The following PTPN21 variants were observed in gnomAD, a reference collection of about 807,000 sequenced individuals.
The protein encoded by PTPN21 is tyrosine-protein phosphatase non-receptor type 21.
In PTPN21, 77 loss-of-function variants were observed where a neutral mutation model predicts 131.8. The observed-to-expected ratio is 0.58, with a 90% CI of 0.49 to 0.71. The LOEUF (loss-of-function observed/expected upper bound fraction) is 0.71, where lower values mean the gene tolerates loss of function less well. Among genes scored for constraint, PTPN21 ranks in the 30% least tolerant of loss-of-function variants. PTPN21 has a pLI of 0.00. For missense variants in PTPN21, 1,552 were observed against 1,527.1 expected (o/e 1.02, Z -0.27); for synonymous variants, 715 against 621.3 (o/e 1.15, Z -2.24).
rs953279169 is a variant in PTPN21 at position 88,504,421 on chromosome 14, T to C, written c.587+4A>G. On this transcript the variant is annotated splice_donor_region_variant and intron_variant, in intron 6 of 18. Coordinates refer to ENST00000556564, the MANE Select transcript of PTPN21 (RefSeq NM_007039.4). ...TATTTCCATGTCTTATTTCTTAGAGTTACCTGTATTTCTGATGTAGTAAGG... is the reference window on the plus strand; with the variant it reads ...TATTTCCATGTCTTATTTCTTAGAGCTACCTGTATTTCTGATGTAGTAAGG... 3 of 1,580,756 alleles carry C rather than the reference T, an allele frequency of 1.9e-6. No individual in the cohort carries two copies. Among genetic ancestry groups the C allele is most frequent in the African/African-American group, 2.7e-5 (2 of 74,152 alleles).
chr14:88,503,505 C>G (rs927931254), intron 6 of PTPN21, among the ~76,000 whole-genome samples: 1 of 152,206 alleles, frequency 6.6e-6, no homozygotes, highest in African/African-American at 2.4e-5. Context: ...AAAGGTGATA[C>G]AAATTCAGTA....
At position 88,469,305 on chromosome 14, in the gene PTPN21, G is replaced by A. The variant is rs1056900809; in HGVS notation, c.3235+194C>T. Among the ~76,000 whole-genome samples the A allele has an allele frequency of 6.6e-6, 1 of 152,108 alleles. No homozygotes were observed. Among genetic ancestry groups the A allele is most frequent in the Non-Finnish European group, 1.5e-5 (1 of 68,026 alleles). ...TGACGGAGATACTGAGTCAGCTGTG[G>A]CATTCTACTCACTACCAAATCATAA... On this transcript the variant is annotated intron_variant, in intron 17 of 18. Transcript: ENST00000556564. This position sits in a 1 kb window ranked among gnomAD's most constrained non-coding sequence, Gnocchi z 4.3.
chr14:88,472,198 A>G lies in PTPN21; in HGVS notation c.2871+46T>C, dbSNP rs764582945. The G allele has an allele frequency of 1.2e-5, 12 of 1,042,190 alleles. No individual in the cohort carries two copies. The South Asian group carries it at 1.6e-4, about 14-fold the overall frequency. 64.6% of individuals were successfully genotyped at this position (1,042,190 alleles called of 1,614,324 possible). A position where few individuals can be genotyped will look rare whatever the true frequency, so the allele number is the denominator to read the frequency against. On this transcript the variant is annotated intron_variant, in intron 15 of 18. Coordinates refer to ENST00000556564, the MANE Select transcript of PTPN21 (RefSeq NM_007039.4). ...ACAATTCTTACCATTCTTGTAACTTAACTGAAACTGCATGTGCTGTTGATT... is the reference window on the plus strand; with the variant it reads ...ACAATTCTTACCATTCTTGTAACTTGACTGAAACTGCATGTGCTGTTGATT...
rs757593627 is a variant in PTPN21, at chr14:88,517,079, T to A, written c.350+13A>T. The A allele has an allele frequency of 1.2e-6, 2 of 1,612,150 alleles. No individual in the cohort carries two copies. The highest frequency in any genetic ancestry group is 3.3e-5 in the Admixed American group (2 of 59,904). ...GACTATTTCCTAAAAACAAACGGCA[T>A]GTAATTTCTCACCTGGTAATCTCCT... On this transcript the variant is annotated intron_variant, in intron 3 of 18. Coordinates refer to ENST00000556564, the MANE Select transcript of PTPN21 (RefSeq NM_007039.4).
At chr14:88,522,341 T>A (rs746626575) in intron 2 of PTPN21, among the ~76,000 whole-genome samples, 4 of 150,242 alleles carry the variant, frequency 2.7e-5, no homozygotes, top group Non-Finnish European at 5.9e-5. Flanking sequence ...GACAAGAGAA[T>A]TGCTTGAACC....
chr14:88,506,666 A>C (rs1030899030), intron 4 of PTPN21, among the ~76,000 whole-genome samples: 12 of 152,138 alleles, frequency 7.9e-5, no homozygotes, highest in African/African-American at 2.9e-4. Flanking sequence ...GTGAGGGATA[A>C]AAGTCTATAC....
Position 88,504,471 on chromosome 14 carries a change from A to G in PTPN21, c.541T>C (p.Leu181=), listed in dbSNP as rs919004521. The G allele has an allele frequency of 5.6e-6, 9 of 1,612,828 alleles. No homozygotes were observed. The African/African-American group carries it at 1.1e-4, about 19-fold the overall frequency. The part of the protein sequence containing the change: ...PVGWLQDEKV[L]EEATQKVALL... The stretch of plus-strand genomic sequence containing the variant: ...GCCACTTTTTGGGTTGCTTCTTCCA[A>G]TACTTTTTCATCTTGTAACCATCCC... The change falls in exon 6 of 19, where the codon TTG becomes CTG. Residue 181 remains leucine (L), a synonymous_variant. Transcript: ENST00000556564.
Position 88,480,244 on chromosome 14 carries a change from C to T in PTPN21, c.1187G>A (p.Ser396Asn). The change falls in exon 13 of 19, where the codon AGT becomes AAT. Residue 396 changes from serine to asparagine, a missense_variant. Physicochemically the swap from Ser to Asn is conservative, Grantham distance 46 (BLOSUM62 1). Around this residue, in one of 4 missense-constraint regions of PTPN21, gnomAD observed 1,016 missense variants for 883.5 expected, o/e 1.15. Coordinates refer to ENST00000556564, the MANE Select transcript of PTPN21 (RefSeq NM_007039.4). ...NGRIRNGSVY[S>N]AHSTNSLNNP... is the part of the protein sequence containing the mutation. ...ATTTAAGGAGTTGGTGCTGTGTGCA[C>T]TGTAGACACTGCCATTACGGATCCG... 1 of 1,614,038 alleles carries T rather than the reference C, an allele frequency of 6.2e-7. No homozygotes were observed. Among genetic ancestry groups the T allele is most frequent in the Non-Finnish European group, 8.5e-7 (1 of 1,179,900 alleles).
At chr14:88,497,836 AC>A (rs1320743175) in intron 8 of PTPN21, among the ~76,000 whole-genome samples, 1 of 152,008 alleles carries the variant, frequency 6.6e-6, no homozygotes, top group African/African-American at 2.4e-5. Flanking sequence ...ATGGTGGCTC[AC>A]GCCTGCAATC....
chr14:88,505,474 T>C (rs901783076), intron 4 of PTPN21, 103 bp from the exon 5 acceptor site: 10 of 720,130 alleles, frequency 1.4e-5, no homozygotes, highest in Non-Finnish European at 2.3e-5. Flanking sequence ...TATGCTAATA[T>C]TTCAGAAGTC....
chr14:88,476,266 T>C (rs568181352), intron 13 of PTPN21, among the ~76,000 whole-genome samples: 16 of 152,304 alleles, frequency 1.1e-4, no homozygotes, highest in Admixed American at 7.2e-4. Context: ...CAATAGGGAA[T>C]TGGCCTCTTC....
intron 10 of PTPN21, among the ~76,000 whole-genome samples, chr14:88,487,965 CAAA>C (rs535857551): frequency 2.2e-5 from 2 of 92,526 alleles, no homozygotes; most frequent in Middle Eastern, 6.2e-3. Flanking sequence ...GACTCCATCT[CAAA>C]AAAAAAAAAA....
intron 2 of PTPN21, among the ~76,000 whole-genome samples, chr14:88,548,781 A>G (rs1336524141): frequency 6.6e-6 from 1 of 152,220 alleles, no homozygotes; most frequent in Non-Finnish European, 1.5e-5. Context: ...GTTTAATTAG[A>G]GACCTTTCTT....
At chr14:88,530,554 T>A (rs952691987) in intron 2 of PTPN21, among the ~76,000 whole-genome samples, 1 of 142,412 alleles carries the variant, frequency 7.0e-6, no homozygotes, top group African/African-American at 2.5e-5. Context: ...ATCTAACACA[T>A]AAGAACTCAC....
chr14:88,489,845 C>T (rs888605281), intron 10 of PTPN21, among the ~76,000 whole-genome samples: 4 of 152,054 alleles, frequency 2.6e-5, no homozygotes, highest in Non-Finnish European at 5.9e-5. Context: ...GGGATGCCTG[C>T]TTCCACTGTT....
intron 2 of PTPN21, among the ~76,000 whole-genome samples, chr14:88,529,142 G>A (rs1032302806): frequency 6.6e-6 from 1 of 152,102 alleles, no homozygotes; most frequent in African/African-American, 2.4e-5. Flanking sequence ...TTACCTTAAG[G>A]TATGTCCCTT....
chr14:88,498,524 A>G (rs1295791387), intron 8 of PTPN21, among the ~76,000 whole-genome samples: 1 of 152,258 alleles, frequency 6.6e-6, no homozygotes, highest in African/African-American at 2.4e-5. Context: ...GACACCTATT[A>G]TAACAATGCC....
In PTPN21 at chr14:88,467,804, C is replaced by A; in HGVS notation, c.*333G>T. 1 of 237,498 alleles carries A rather than the reference C, an allele frequency of 4.2e-6. No individual in the cohort carries two copies. The highest frequency in any genetic ancestry group is 8.1e-6 in the Non-Finnish European group (1 of 123,040). The allele number at this position is 237,498 out of a possible 1,614,324, so 14.7% of individuals were successfully genotyped here. On this transcript the variant is annotated 3_prime_UTR_variant, in exon 19 of 19. Coordinates refer to ENST00000556564, the MANE Select transcript of PTPN21 (RefSeq NM_007039.4). ...GAAATCTATGCACTTTAATGATTGC[C>A]AGAATTGCCCAGCATAGCTTCAGTA...
intron 12 of PTPN21, among the ~76,000 whole-genome samples, chr14:88,483,972 C>T (rs771198207): frequency 4.6e-5 from 7 of 150,900 alleles, no homozygotes; most frequent in South Asian, 2.1e-4. Context: ...CCATTCTCCA[C>T]GAAAAAGGGG....
Sources: gnomAD v4.1 joint callset for allele counts (sites outside exome capture counted in the v4.1 genomes callset) on GRCh38, gnomAD v4.1.1 for gene constraint, gnomAD v4.1.1 regional missense constraint, Gnocchi (gnomAD v3.1) non-coding constraint, MANE v1.5 for transcripts, NCBI Gene and HGNC (gene_info 2026-07-23, HGNC 2026-07-21) for gene names.